Variants in PLCD4 observed in about 807,000 individuals in gnomAD.
PLCD4 encodes the protein phospholipase C delta 4, also known as 1-phosphatidylinositol 4,5-bisphosphate phosphodiesterase delta-4.
In PLCD4, 63 loss-of-function variants were observed where a neutral mutation model predicts 90.2. The ratio of observed to expected loss-of-function variants is 0.70; its 90% CI spans 0.57 to 0.86. PLCD4 has a LOEUF of 0.86. Ranked by LOEUF, PLCD4 falls within the 40% of genes least tolerant of loss-of-function variation. The pLI is 0.00. For synonymous variants in PLCD4, 294 were observed against 356.5 expected, an observed-to-expected ratio of 0.82 and a Z score of 1.97; for missense variants, 830 against 956.3, an observed-to-expected ratio of 0.87 and a Z score of 1.74.
intron 6 of PLCD4, among the ~76,000 whole-genome samples, chr2:218,625,005 G>A (rs1394095661): frequency 1.5e-4 from 22 of 146,358 alleles, no homozygotes; most frequent in African/African-American, 5.1e-4. Context: ...CCAGTTACTC[G>A]GGAGGCTGAG....
chr2:218,630,976 G>C (rs1696335848), intron 9 of PLCD4, among the ~76,000 whole-genome samples, 174 bp downstream of exon 9: 1 of 152,020 alleles, frequency 6.6e-6, no homozygotes, highest in Non-Finnish European at 1.5e-5. Context: ...AAATCTAACT[G>C]AACACAGAAT....
At chr2:218,635,987 C>A in intron 14 of PLCD4, 56 bp downstream of exon 14, 1 of 1,610,866 alleles carries the variant, frequency 6.2e-7, no homozygotes, top group Non-Finnish European at 8.5e-7. Flanking sequence ...AGTTTTCCTT[C>A]TAGTCTGTCT....
At chr2:218,618,871 C>G in intron 4 of PLCD4, 64 bp downstream of exon 4, 1 of 1,480,042 alleles carries the variant, frequency 6.8e-7, no homozygotes, top group South Asian at 1.2e-5. Flanking sequence ...GAGCCAGATG[C>G]AACAGGTTTA....
At chr2:218,609,140 CAAAA>C (rs537369669) in intron 1 of PLCD4, 6 of 84,138 alleles carry the variant, frequency 7.1e-5, no homozygotes, top group Non-Finnish European at 7.7e-5. Context: ...GACTCTGTCT[CAAAA>C]AAAAAAAAAA....
chr2:218,636,487 C>G lies in PLCD4; in HGVS notation c.2199C>G (p.His733Gln), dbSNP rs995419126. 1.9e-6 allele frequency: 3 copies of G among 1,614,050 alleles called. No homozygotes were observed. The highest frequency in any genetic ancestry group is 1.7e-6 in the Non-Finnish European group (2 of 1,179,900). Residue 733 changes from histidine (H) to glutamine (Q), a missense_variant, in exon 16 of 16, where the codon CAC becomes CAG. His to Gln is a conservative substitution (Grantham distance 24). Transcript: ENST00000450993. ...CCCTTCCAGGTTACCGCCACATTCA[C>G]CTGCTGTCCAAAGATGGCATCAGCC... ...TCMQQGYRHIHLLSKDGISLR... is the reference protein window; with the variant it reads ...TCMQQGYRHIQLLSKDGISLR...
chr2:218,613,547 C>T (rs918318591), intron 1 of PLCD4, among the ~76,000 whole-genome samples: 16 of 152,212 alleles, frequency 1.1e-4, no homozygotes, highest in South Asian at 4.2e-4. Context: ...TGTTTCAGCA[C>T]GACCTGGTCA....
Position 218,616,080 on chromosome 2 carries a change from T to TG in PLCD4, c.181+24dup. On this transcript the variant is annotated intron_variant, in intron 3 of 15. Transcript: ENST00000450993. Reference sequence around the variant, plus strand: ...GCCCAGCTGTGAGTGACCTGGATAGTGGGGGGTGGATACATGGGTGGATAG... The same window carrying TG: ...GCCCAGCTGTGAGTGACCTGGATAGTGGGGGGGTGGATACATGGGTGGATAG... 1 of 1,611,076 alleles carries TG rather than the reference T, an allele frequency of 6.2e-7. No homozygotes were observed.
chr2:218,616,911 TATATATATATATATATAGAG>T (rs1439510602), intron 3 of PLCD4, among the ~76,000 whole-genome samples: 1 of 20,676 alleles, frequency 4.8e-5, no homozygotes, highest in Non-Finnish European at 1.0e-4. Flanking sequence ...TATATATATA[TATATATATATATATATAGAG>T]AGAGAGAGAG....
chr2:218,622,083 A>G (rs1325596590), intron 5 of PLCD4: 2 of 147,452 alleles, frequency 1.4e-5, no homozygotes, highest in South Asian at 2.1e-4. Flanking sequence ...CTGTCTCAAA[A>G]AAAAAAAAAA....
chr2:218,608,685 C>A (rs1695195491), intron 1 of PLCD4, among the ~76,000 whole-genome samples: 1 of 152,282 alleles, frequency 6.6e-6, no homozygotes, highest in Admixed American at 6.5e-5. Context: ...GTTTCCCAGA[C>A]TTGCCTGTGT....
intron 3 of PLCD4, among the ~76,000 whole-genome samples, chr2:218,616,529 T>C (rs1695583862): frequency 6.6e-6 from 1 of 151,902 alleles, no homozygotes. Context: ...CTGGACAACA[T>C]AGGGAGATCC....
intron 14 of PLCD4, 91 bp downstream of exon 14, chr2:218,636,022 T>C (rs1052689885): frequency 6.3e-7 from 1 of 1,575,358 alleles, no homozygotes; most frequent in Non-Finnish European, 8.7e-7. Context: ...CATCTGTTAT[T>C]GCATGTCCCC....
intron 6 of PLCD4, among the ~76,000 whole-genome samples, chr2:218,623,627 C>T (rs1575025708): frequency 1.3e-5 from 2 of 152,162 alleles, no homozygotes; most frequent in African/African-American, 4.8e-5. Flanking sequence ...TCTTTATTGG[C>T]CCTTTACTAC....
rs774048917 is a variant in PLCD4 at position 218,636,385 on chromosome 2, G to C, written c.2175G>C (p.Met725Ile). The change falls in exon 15 of 16, where the codon ATG becomes ATC. Residue 725 changes from methionine (M) to isoleucine (I), a missense_variant. Transcript: ENST00000450993. ...IGQYTLPWTC[M>I]QQGYRHIHLL... is the part of the protein sequence containing the mutation. ...AGTACACCCTGCCTTGGACCTGCAT[G>C]CAACAAGGTGAGCCAGCCCCTTTGG... 3 of 1,614,016 alleles carry C rather than the reference G, an allele frequency of 1.9e-6. No homozygotes were observed. The highest frequency in any genetic ancestry group is 2.5e-6 in the Non-Finnish European group (3 of 1,179,898).
chr2:218,632,184 G>A lies in PLCD4; in HGVS notation c.1321G>A (p.Glu441Lys), dbSNP rs373285847. ...LVKGKKLTLEEDLEYEEEEAE... is the reference protein window; with the variant it reads ...LVKGKKLTLEKDLEYEEEEAE... ...GAAGGGGAAGAAGTTAACACTTGAG[G>A]AAGACCTGGAATATGAGGAAGAGGA... Residue 441 changes from glutamate to lysine, a missense_variant, in exon 10 of 16, where the codon GAA (glutamate) becomes AAA (lysine). Transcript: ENST00000450993. 20 of 1,610,786 alleles carry A rather than the reference G, an allele frequency of 1.2e-5. No individual in the cohort carries two copies. The African/African-American group carries it at 1.7e-4, about 14-fold the overall frequency.
At chr2:218,626,844 A>T (rs1029446728) in intron 6 of PLCD4, among the ~76,000 whole-genome samples, 2 of 152,238 alleles carry the variant, frequency 1.3e-5, no homozygotes, top group Admixed American at 1.3e-4. Flanking sequence ...TAACTTGGCC[A>T]TGTCACTAAG....
At chr2:218,626,462 G>A (rs1696125479) in intron 6 of PLCD4, among the ~76,000 whole-genome samples, 1 of 152,126 alleles carries the variant, frequency 6.6e-6, no homozygotes, top group African/African-American at 2.4e-5. Context: ...CTGGCGGCCT[G>A]GGTTCAAATC....
rs1010318297 is a variant in PLCD4 at position 218,632,075 on chromosome 2, T to C, written c.1273-61T>C. 3 of 1,491,730 alleles carry C rather than the reference T, an allele frequency of 2.0e-6. No individual in the cohort carries two copies. In the African/African-American group the frequency reaches 4.2e-5, roughly 21 times the overall value. The allele number at this position is 1,491,730 out of a possible 1,614,324, so 92.4% of individuals were successfully genotyped here. A position where few individuals can be genotyped will look rare whatever the true frequency, so the allele number is the denominator to read the frequency against. On this transcript the variant is annotated intron_variant, in intron 9 of 15. Transcript: ENST00000450993. ...GCCTTTGAGAACAATGAGACTGGCA[T>C]GATTCCCAGAAGGACCCAAGAGCAG...
Position 218,634,516 on chromosome 2 carries a change from C to G in PLCD4, c.1782C>G (p.Arg594=). ...LEMDICDGHF[R]QNGGCGYVLK... ...TGGACATCTGTGATGGGCATTTCCG[C>G]CAGAATGGCGGCTGTGGCTATGTGC... Residue 594 remains arginine, a synonymous_variant, in exon 13 of 16, where the codon CGC becomes CGG. Transcript: ENST00000450993. The surrounding 1 kb of genome is among the most constrained non-coding windows in gnomAD (Gnocchi z 4.0). 1 of 1,614,028 alleles carries G rather than the reference C, an allele frequency of 6.2e-7. No homozygotes were observed. The highest frequency in any genetic ancestry group is 1.1e-5 in the South Asian group (1 of 91,084).
Sources: gnomAD v4.1 joint callset for allele counts (sites outside exome capture counted in the v4.1 genomes callset) on GRCh38, gnomAD v4.1.1 for gene constraint, Gnocchi (gnomAD v3.1) non-coding constraint, MANE v1.5 for transcripts, NCBI Gene and HGNC (gene_info 2026-07-23, HGNC 2026-07-21) for gene names.